Variants in LRRC4C observed in about 807,000 individuals in gnomAD.
The protein encoded by LRRC4C is leucine-rich repeat-containing protein 4C.
A neutral mutation model predicts 33.6 loss-of-function variants in LRRC4C; 5 were observed. The observed-to-expected ratio is 0.15, with a 90% confidence interval of 0.08 to 0.31. The LOEUF (loss-of-function observed/expected upper bound fraction) is 0.31. Ranked by LOEUF, LRRC4C falls within the 10% of genes least tolerant of loss-of-function variation. The pLI is 1.00. For missense variants in LRRC4C, 560 were observed against 796.7 expected (o/e 0.70, Z 3.58); for synonymous variants, 329 against 302.0 (o/e 1.09, Z -0.93).
At chr11:41,171,236 C>T (rs1944963410) in intron 1 of LRRC4C, among the ~76,000 whole-genome samples, 1 of 152,114 alleles carries the variant, frequency 6.6e-6, no homozygotes, top group Admixed American at 6.6e-5. Flanking sequence ...CCATTTGATC[C>T]AGCCATCCCA....
intron 2 of LRRC4C, among the ~76,000 whole-genome samples, chr11:40,778,851 TG>T: frequency 6.6e-6 from 1 of 152,250 alleles, no homozygotes; most frequent in East Asian, 1.9e-4. Context: ...TAGAATTTGT[TG>T]GGAAAGGGGT....
chr11:41,357,116 C>T (rs575810988), intron 1 of LRRC4C, among the ~76,000 whole-genome samples: 1 of 151,762 alleles, frequency 6.6e-6, no homozygotes, highest in South Asian at 2.1e-4. Flanking sequence ...GTAGTTTAGG[C>T]CAATTTAAAA....
At chr11:41,173,668 A>G (rs1232810455) in intron 1 of LRRC4C, among the ~76,000 whole-genome samples, 1 of 152,070 alleles carries the variant, frequency 6.6e-6, no homozygotes, top group Non-Finnish European at 1.5e-5. Flanking sequence ...GTCTCTCTCC[A>G]TTGACACCAT....
At chr11:41,186,267 A>G (rs1427323425) in intron 1 of LRRC4C, among the ~76,000 whole-genome samples, 3 of 152,218 alleles carry the variant, frequency 2.0e-5, no homozygotes, top group Non-Finnish European at 4.4e-5. Flanking sequence ...AGGAAAATGT[A>G]AATTATATAT....
chr11:41,150,893 A>T (rs1450804199), intron 1 of LRRC4C, among the ~76,000 whole-genome samples: 1 of 152,172 alleles, frequency 6.6e-6, no homozygotes, highest in Non-Finnish European at 1.5e-5. Flanking sequence ...AAAGAGACAG[A>T]GAAAACATAC....
chr11:41,241,513 T>C (rs1948250791), intron 1 of LRRC4C, among the ~76,000 whole-genome samples: 1 of 152,030 alleles, frequency 6.6e-6, no homozygotes, highest in East Asian at 1.9e-4. Flanking sequence ...AACAAGTCAA[T>C]GGAGAGTCAG....
intron 3 of LRRC4C, among the ~76,000 whole-genome samples, chr11:40,589,953 G>T (rs1591201754): frequency 6.6e-6 from 1 of 150,602 alleles, no homozygotes; most frequent in Non-Finnish European, 1.5e-5. Context: ...ACAATTATGT[G>T]TCTTGGAGTT....
At chr11:41,182,176 A>C (rs1945482050) in intron 1 of LRRC4C, among the ~76,000 whole-genome samples, 1 of 152,216 alleles carries the variant, frequency 6.6e-6, no homozygotes, top group Non-Finnish European at 1.5e-5. Flanking sequence ...CTGATAGAGA[A>C]TAAGAGACTT....
intron 1 of LRRC4C, among the ~76,000 whole-genome samples, chr11:40,934,330 A>G (rs1957770624): frequency 6.6e-6 from 1 of 152,150 alleles, no homozygotes; most frequent in Non-Finnish European, 1.5e-5. Flanking sequence ...TATGAGATTT[A>G]TAGCTGGTGT....
intron 3 of LRRC4C, among the ~76,000 whole-genome samples, chr11:40,612,314 G>A (rs1260465470): frequency 1.3e-5 from 2 of 151,852 alleles, no homozygotes; most frequent in Admixed American, 6.6e-5. Flanking sequence ...ACAAGACCAC[G>A]TATTTGGGGT....
intron 3 of LRRC4C, among the ~76,000 whole-genome samples, chr11:40,326,768 AT>A (rs111560606): frequency 8.5e-4 from 130 of 152,344 alleles, no homozygotes; most frequent in African/African-American, 3.1e-3. Context: ...GTTGGATTTC[AT>A]TCTCATTGCA....
chr11:41,136,085 TG>T (rs1315984092), intron 1 of LRRC4C, among the ~76,000 whole-genome samples: 3 of 152,158 alleles, frequency 2.0e-5, no homozygotes, highest in African/African-American at 7.2e-5. Context: ...TCAGAGTGCC[TG>T]CATATGTCAG....
chr11:40,812,679 TA>T (rs1208022446), intron 2 of LRRC4C, among the ~76,000 whole-genome samples: 3 of 152,034 alleles, frequency 2.0e-5, no homozygotes. Flanking sequence ...ATAGGAAAAA[TA>T]GACTCTAATG....
intron 1 of LRRC4C, among the ~76,000 whole-genome samples, chr11:41,378,007 T>C (rs1953003339): frequency 6.6e-6 from 1 of 152,136 alleles, no homozygotes. Flanking sequence ...TTTAACTCCA[T>C]GTTAGTGCTT....
intron 5 of LRRC4C, among the ~76,000 whole-genome samples, chr11:40,150,624 C>T (rs533228953): frequency 2.6e-5 from 4 of 152,120 alleles, no homozygotes; most frequent in South Asian, 4.2e-4. Flanking sequence ...TTTTAATTTT[C>T]GTAGATACCT....
intron 5 of LRRC4C, among the ~76,000 whole-genome samples, chr11:40,178,606 C>A (rs900443089): frequency 1.1e-4 from 17 of 152,216 alleles, no homozygotes; most frequent in African/African-American, 3.9e-4. Flanking sequence ...CACTCTCTCC[C>A]TTCTCCACCC....
intron 5 of LRRC4C, among the ~76,000 whole-genome samples, chr11:40,203,058 G>A (rs1381382406): frequency 6.6e-6 from 1 of 152,102 alleles, no homozygotes; most frequent in African/African-American, 2.4e-5. Flanking sequence ...GAACTCCCCA[G>A]GGAAATCCTA....
chr11:40,907,670 C>T (rs939892949), intron 2 of LRRC4C, among the ~76,000 whole-genome samples: 3 of 152,152 alleles, frequency 2.0e-5, no homozygotes, highest in African/African-American at 7.2e-5. Flanking sequence ...CTCTCTACAG[C>T]TTGTTCCTTG....
chr11:40,777,514 T>G (rs72898761), intron 2 of LRRC4C, among the ~76,000 whole-genome samples: 84,959 of 143,704 alleles, frequency 0.59, 25,427 homozygotes, highest in Non-Finnish European at 0.65. Flanking sequence ...TTTTTTTTTT[T>G]TTTGTTTAAA....
Sources: allele counts gnomAD v4.1 joint callset (sites outside exome capture counted in the v4.1 genomes callset), GRCh38; gene constraint gnomAD v4.1.1; transcripts MANE v1.5; gene names NCBI Gene and HGNC (gene_info 2026-07-23, HGNC 2026-07-21).